ATP6V0A2: variants seen among roughly 807,000 people sequenced by gnomAD.
ATP6V0A2 encodes V-type proton ATPase 116 kDa subunit a 2.
A neutral mutation model predicts 104.4 loss-of-function variants in ATP6V0A2; 58 were observed. The observed-to-expected ratio is 0.56, with a 90% CI of 0.45 to 0.69. The LOEUF (loss-of-function observed/expected upper bound fraction) is 0.69, where lower values mean the gene tolerates loss of function less well. Among genes scored for constraint, ATP6V0A2 ranks in the 30% least tolerant of loss-of-function variants. The pLI is 0.00. For synonymous variants in ATP6V0A2, 376 were observed against 397.9 expected, an observed-to-expected ratio of 0.95 and a Z score of 0.65; for missense variants, 938 against 1,062.9, an observed-to-expected ratio of 0.88 and a Z score of 1.63.
chr12:123,744,745 G>GCCAC lies in ATP6V0A2; in HGVS notation c.1482_1485dup (p.Ala496ThrfsTer5). On this transcript the variant is annotated frameshift_variant, in exon 12 of 20. Coordinates refer to ENST00000330342, the MANE Select transcript of ATP6V0A2 (RefSeq NM_012463.4). LOFTEE classifies it high-confidence loss of function. This position sits in a 1 kb window ranked among gnomAD's most constrained non-coding sequence, Gnocchi z 5.4. ...AACGTGTCGGCCATGTACAGCTCCA[G>GCCAC]CCACCCACCCGCAGAGCATAAGAAG... 1 of 1,614,116 alleles carries GCCAC rather than the reference G, an allele frequency of 6.2e-7. No individual in the cohort carries two copies. Among genetic ancestry groups the GCCAC allele is most frequent in the Non-Finnish European group, 8.5e-7 (1 of 1,180,022 alleles).
rs1240908372 is a variant in ATP6V0A2 at position 123,754,366 on chromosome 12, G to A, written c.2176-54G>A. Reference sequence around the variant, plus strand: ...TGAAGTGGAACCCACTTGGCATGTAGAAGTACACATGTAACATCATGACTC... The same window carrying A: ...TGAAGTGGAACCCACTTGGCATGTAAAAGTACACATGTAACATCATGACTC... On this transcript the variant is annotated intron_variant, in intron 17 of 19. Coordinates refer to ENST00000330342, the MANE Select transcript of ATP6V0A2 (RefSeq NM_012463.4). The A allele has an allele frequency of 6.0e-6, 8 of 1,340,610 alleles. No homozygotes were observed. The Admixed American group carries it at 8.4e-5, about 14-fold the overall frequency. The allele number at this position is 1,340,610 out of a possible 1,614,324, so 83.0% of individuals were successfully genotyped here. A position where few individuals can be genotyped will look rare whatever the true frequency, so the allele number is the denominator to read the frequency against.
chr12:123,736,074 T>C (rs931800737), intron 8 of ATP6V0A2, among the ~76,000 whole-genome samples: 2 of 151,992 alleles, frequency 1.3e-5, no homozygotes, highest in Non-Finnish European at 2.9e-5. Flanking sequence ...AGTTTCGCCA[T>C]GTTGCCCAGG....
chr12:123,757,764 G>A lies in ATP6V0A2; in HGVS notation c.2466-163G>A, dbSNP rs549311169. On this transcript the variant is annotated intron_variant, in intron 19 of 19. Coordinates refer to ENST00000330342, the MANE Select transcript of ATP6V0A2 (RefSeq NM_012463.4). ...ACTGGGAAAGCCAGCACGGGGTTGG[G>A]GGTGCGGGGCAGTGTTTAGCTAAGT... Among the ~76,000 whole-genome samples the A allele has an allele frequency of 6.6e-5, 10 of 152,300 alleles. No individual in the cohort carries two copies. The South Asian group carries it at 2.1e-3, about 32-fold the overall frequency.
intron 5 of ATP6V0A2, 41 bp downstream of exon 5, chr12:123,726,326 T>G (rs1956448844): frequency 6.9e-7 from 1 of 1,454,700 alleles, no homozygotes. Context: ...CATACTGCCC[T>G]TCTTGTAAAA....
At chr12:123,724,876 C>A in intron 4 of ATP6V0A2, 85 bp downstream of exon 4, 1 of 1,142,448 alleles carries the variant, frequency 8.8e-7, no homozygotes, top group South Asian at 1.3e-5. Flanking sequence ...GTGTATTTTG[C>A]TATTAGTTCA....
At chr12:123,726,767 T>C (rs558073434) in intron 5 of ATP6V0A2, among the ~76,000 whole-genome samples, 4 of 152,392 alleles carry the variant, frequency 2.6e-5, no homozygotes, top group African/African-American at 4.8e-5. Context: ...GTTCCTGATC[T>C]GAAGGAATTC....
intron 18 of ATP6V0A2, 172 bp from the exon 19 acceptor site, chr12:123,756,643 G>A (rs962059328): frequency 7.7e-6 from 5 of 648,882 alleles, no homozygotes; most frequent in South Asian, 1.9e-5. Context: ...AGACCGTCTC[G>A]GAGCTGACTG....
chr12:123,726,231 A>G lies in ATP6V0A2; in HGVS notation c.467A>G (p.Glu156Gly). Reference protein sequence around the residue: ...EPTYEEFPSLESDSLLDYSCM... With the variant: ...EPTYEEFPSLGSDSLLDYSCM... ...ACTTATGAAGAATTCCCTTCCTTAG[A>G]GAGTGATTCTTTGTTGGATTACAGC... Residue 156 changes from glutamate to glycine, a missense_variant, in exon 5 of 20, where the codon GAG (glutamate) becomes GGG (glycine). Transcript: ENST00000330342. The G allele has an allele frequency of 6.2e-7, 1 of 1,613,802 alleles. No homozygotes were observed. Among genetic ancestry groups the G allele is most frequent in the South Asian group, 1.1e-5 (1 of 91,068 alleles).
intron 14 of ATP6V0A2, 31 bp from the exon 15 acceptor site, chr12:123,748,544 C>G (rs773334819): frequency 6.6e-7 from 1 of 1,516,074 alleles, no homozygotes; most frequent in South Asian, 1.1e-5. Flanking sequence ...TGATCTTGTT[C>G]GTGGGTTGAT....
rs749734291 is a variant in ATP6V0A2 at position 123,727,850 on chromosome 12, A to C, written c.589A>C (p.Lys197Gln). ...AFEKMLWRVC[K>Q]GYTIVSYAEL... is the part of the protein sequence containing the mutation. ...TGAAAAAATGTTGTGGAGAGTCTGC[A>C]AAGGGTACACCATCGTGTCCTATGC... The change falls in exon 6 of 20, where the codon AAA (lysine) becomes CAA (glutamine). Residue 197 changes from lysine (K) to glutamine (Q), a missense_variant. Coordinates refer to ENST00000330342, the MANE Select transcript of ATP6V0A2 (RefSeq NM_012463.4). The C allele has an allele frequency of 6.2e-7, 1 of 1,614,228 alleles. No individual in the cohort carries two copies. The highest frequency in any genetic ancestry group is 1.1e-5 in the South Asian group (1 of 91,090).
Position 123,737,084 on chromosome 12 carries a change from T to C in ATP6V0A2, c.851T>C (p.Leu284Ser). ...YTVLHKTEDYLRQVLCKAAES... is the reference protein window; with the variant it reads ...YTVLHKTEDYSRQVLCKAAES... ...GTACTGCACAAAACCGAGGACTATT[T>C]GAGGCAAGTGCTATGTAAAGCCGCC... The change falls in exon 9 of 20, where the codon TTG becomes TCG. Residue 284 changes from leucine (L) to serine (S), a missense_variant. Physicochemically the swap from Leu to Ser is moderately radical, Grantham distance 145. Coordinates refer to ENST00000330342, the MANE Select transcript of ATP6V0A2 (RefSeq NM_012463.4). The C allele has an allele frequency of 1.2e-6, 2 of 1,614,204 alleles. No homozygotes were observed. Among genetic ancestry groups the C allele is most frequent in the Middle Eastern group, 1.6e-4 (1 of 6,062 alleles).
rs1009989339 is a variant in ATP6V0A2, at chr12:123,712,508, C to A, written c.-58C>A. 2.3e-6 allele frequency: 3 copies of A among 1,320,552 alleles called. No homozygotes were observed. The East Asian group carries it at 8.1e-5, about 36-fold the overall frequency. The allele number at this position is 1,320,552 out of a possible 1,614,324, so 81.8% of individuals were successfully genotyped here. ...GCCGCACCGGCTGAGTGTGCGGGCC[C>A]GCGCGGCTCGGAGCCGCCGCCGCCC... On this transcript the variant is annotated 5_prime_UTR_variant, in exon 1 of 20. Transcript: ENST00000330342.
rs373401827 is a variant in ATP6V0A2 at position 123,735,430 on chromosome 12, G to T, written c.732-101G>T. The stretch of plus-strand genomic sequence containing the variant: ...CATCTGCACCCGTGTCTCCCAAACG[G>T]CTGCTTTCATTCCGTTTTGCCAGAA... On this transcript the variant is annotated intron_variant, in intron 7 of 19. Coordinates refer to ENST00000330342, the MANE Select transcript of ATP6V0A2 (RefSeq NM_012463.4). 10 of 1,110,856 alleles carry T rather than the reference G, an allele frequency of 9.0e-6. No homozygotes were observed. In the East Asian group the frequency reaches 9.7e-5, roughly 11 times the overall value. The allele number at this position is 1,110,856 out of a possible 1,614,324, so 68.8% of individuals were successfully genotyped here.
chr12:123,743,151 C>T (rs925465150), intron 9 of ATP6V0A2, among the ~76,000 whole-genome samples: 5 of 152,164 alleles, frequency 3.3e-5, no homozygotes, highest in Admixed American at 1.3e-4. Context: ...TCCATACCCA[C>T]GTGCCCCGCA....
chr12:123,755,453 T>A (rs190126588), intron 18 of ATP6V0A2, among the ~76,000 whole-genome samples: 1 of 150,144 alleles, frequency 6.7e-6, no homozygotes, highest in East Asian at 2.0e-4. Flanking sequence ...GGAGAATTGA[T>A]TGAACTTAGG....
At chr12:123,726,513 T>C (rs1459615219) in intron 5 of ATP6V0A2, among the ~76,000 whole-genome samples, 1 of 152,254 alleles carries the variant, frequency 6.6e-6, no homozygotes, top group Non-Finnish European at 1.5e-5. Context: ...TATAATGAGC[T>C]AGAAAGAAAC....
chr12:123,724,545 A>G lies in ATP6V0A2; in HGVS notation c.295-109A>G, dbSNP rs951523856. The G allele has an allele frequency of 8.0e-5, 101 of 1,268,766 alleles. No individual in the cohort carries two copies. In the African/African-American group the frequency reaches 1.4e-3, roughly 17 times the overall value. The allele number at this position is 1,268,766 out of a possible 1,614,324, so 78.6% of individuals were successfully genotyped here. On this transcript the variant is annotated intron_variant, in intron 3 of 19. Transcript: ENST00000330342. ...CTCCATCTCAAAAAAAAAAAAAAGA[A>G]AAAAACAAAACAAAAAAACCCACTG...
chr12:123,713,550 C>T (rs184911953), intron 1 of ATP6V0A2, among the ~76,000 whole-genome samples: 2 of 152,144 alleles, frequency 1.3e-5, no homozygotes, highest in East Asian at 3.9e-4. Flanking sequence ...TCTTGACTGC[C>T]CGCTATGTTC....
At chr12:123,724,506 G>C (rs1956429362) in intron 3 of ATP6V0A2, 148 bp from the exon 4 acceptor site, 1 of 709,620 alleles carries the variant, frequency 1.4e-6, no homozygotes, top group African/African-American at 1.8e-5. Flanking sequence ...TCCAGCCTGG[G>C]CGACAGAGGG....
Sources: allele counts gnomAD v4.1 joint callset (sites outside exome capture counted in the v4.1 genomes callset), GRCh38; gene constraint gnomAD v4.1.1; non-coding constraint Gnocchi (gnomAD v3.1); transcripts MANE v1.5; gene names NCBI Gene and HGNC (gene_info 2026-07-23, HGNC 2026-07-21).